Variants in CELF4 observed in about 807,000 individuals in gnomAD.
The protein encoded by CELF4 is CUGBP Elav-like family member 4.
In CELF4, 18 loss-of-function variants were observed where a neutral mutation model predicts 59.9. That is an observed-to-expected ratio of 0.30 (90% CI 0.21 to 0.45). CELF4 has a LOEUF of 0.45. CELF4 is among the 20% of genes least tolerant of loss of function. The probability of loss-of-function intolerance (pLI) is 1.00; values close to 1 mark genes in which losing one functional copy is unlikely to be tolerated. For missense variants in CELF4, 456 were observed against 689.0 expected (o/e 0.66, Z 3.79); for synonymous variants, 261 against 267.1 (o/e 0.98, Z 0.22).
intron 3 of CELF4, among the ~76,000 whole-genome samples, chr18:37,286,309 C>T (rs1055898968): frequency 1.3e-5 from 2 of 152,184 alleles, no homozygotes; most frequent in African/African-American, 4.8e-5. Flanking sequence ...GTTAGCTGGG[C>T]GCAGAGCTGC....
chr18:37,274,739 C>A, intron 5 of CELF4, 66 bp downstream of exon 5: 1 of 1,510,320 alleles, frequency 6.6e-7, no homozygotes, highest in East Asian at 2.5e-5. Flanking sequence ...GCCGGCGGGG[C>A]GTGGCGGGTG....
chr18:37,441,800 C>T (rs1485599539), intron 2 of CELF4, among the ~76,000 whole-genome samples: 9 of 152,090 alleles, frequency 5.9e-5, no homozygotes, highest in African/African-American at 1.9e-4. Context: ...TCTTGAAGGC[C>T]CAGTGCAGTC....
intron 3 of CELF4, among the ~76,000 whole-genome samples, chr18:37,306,937 T>C (rs985376377): frequency 1.3e-5 from 2 of 152,212 alleles, no homozygotes; most frequent in Non-Finnish European, 2.9e-5. Context: ...TCGCTTCATT[T>C]CTCAAATGCT....
chr18:37,399,173 AT>A (rs2154580723), intron 2 of CELF4, among the ~76,000 whole-genome samples: 1 of 152,302 alleles, frequency 6.6e-6, no homozygotes, highest in African/African-American at 2.4e-5. Flanking sequence ...TTCAAAACTC[AT>A]ACTGAAAATT....
At chr18:37,288,613 G>A (rs558652200) in intron 3 of CELF4, among the ~76,000 whole-genome samples, 3 of 152,234 alleles carry the variant, frequency 2.0e-5, no homozygotes, top group South Asian at 2.1e-4. Context: ...CATCTAACAC[G>A]CAGAAGGCAT....
chr18:37,287,787 T>C (rs2094944377), intron 3 of CELF4, among the ~76,000 whole-genome samples: 1 of 152,214 alleles, frequency 6.6e-6, no homozygotes, highest in East Asian at 1.9e-4. Flanking sequence ...GGATGGATGG[T>C]AGACATGATT....
chr18:37,438,259 A>AGT (rs2099699893), intron 2 of CELF4, among the ~76,000 whole-genome samples: 1 of 152,110 alleles, frequency 6.6e-6, no homozygotes, highest in South Asian at 2.1e-4. Flanking sequence ...GTCAGTGAAG[A>AGT]GTGGGTTGGT....
chr18:37,509,225 T>C (rs909528689), intron 1 of CELF4, among the ~76,000 whole-genome samples: 1 of 152,238 alleles, frequency 6.6e-6, no homozygotes, highest in Admixed American at 6.5e-5. Context: ...CACTTATCTA[T>C]AGTAGACTCT....
intron 7 of CELF4, 140 bp from the exon 8 acceptor site, chr18:37,271,057 T>G (rs1352103912): frequency 3.0e-6 from 2 of 673,986 alleles, no homozygotes; most frequent in East Asian, 5.6e-5. Flanking sequence ...AGTTCAATCT[T>G]ATCTATGACC....
At chr18:37,522,263 T>C (rs2099958335) in intron 1 of CELF4, among the ~76,000 whole-genome samples, 1 of 152,158 alleles carries the variant, frequency 6.6e-6, no homozygotes, top group Non-Finnish European at 1.5e-5. Flanking sequence ...CCCTATCTTA[T>C]CATACAGAAT....
At chr18:37,291,742 A>G (rs1191441659) in intron 3 of CELF4, among the ~76,000 whole-genome samples, 1 of 152,202 alleles carries the variant, frequency 6.6e-6, no homozygotes, top group Admixed American at 6.5e-5. Flanking sequence ...CATTGGGGAC[A>G]TCCCTCTTAA....
chr18:37,419,368 C>T (rs891425303), intron 2 of CELF4, among the ~76,000 whole-genome samples: 1 of 152,152 alleles, frequency 6.6e-6, no homozygotes, highest in East Asian at 1.9e-4. Flanking sequence ...ACTTGGAGAA[C>T]CACTGGCACT....
At chr18:37,513,690 G>C (rs2099947147) in intron 1 of CELF4, among the ~76,000 whole-genome samples, 1 of 152,086 alleles carries the variant, frequency 6.6e-6, no homozygotes, top group African/African-American at 2.4e-5. Flanking sequence ...ATTCCTACCA[G>C]ATTGTCCATG....
chr18:37,520,403 G>A (rs1003388907), intron 1 of CELF4, among the ~76,000 whole-genome samples: 2 of 152,214 alleles, frequency 1.3e-5, no homozygotes, highest in Non-Finnish European at 2.9e-5. Context: ...TAGAAATGAA[G>A]GCCCAGAGAG....
At chr18:37,307,283 A>G (rs2096461751) in intron 3 of CELF4, among the ~76,000 whole-genome samples, 1 of 152,150 alleles carries the variant, frequency 6.6e-6, no homozygotes, top group Non-Finnish European at 1.5e-5. Flanking sequence ...TCACAGCCCC[A>G]CAGTCGTGGG....
At chr18:37,526,222 A>T (rs1467281406) in intron 1 of CELF4, among the ~76,000 whole-genome samples, 1 of 152,156 alleles carries the variant, frequency 6.6e-6, no homozygotes, top group Non-Finnish European at 1.5e-5. Context: ...GTGTTAGAGG[A>T]TGCATTTTCT....
At chr18:37,344,857 C>T (rs1412697814) in intron 2 of CELF4, among the ~76,000 whole-genome samples, 1 of 152,192 alleles carries the variant, frequency 6.6e-6, no homozygotes, top group East Asian at 1.9e-4. Flanking sequence ...CTTGCAGCAT[C>T]CTGGATTTCA....
intron 2 of CELF4, among the ~76,000 whole-genome samples, chr18:37,427,091 G>C (rs1187959704): frequency 2.0e-5 from 3 of 151,662 alleles, no homozygotes; most frequent in East Asian, 1.9e-4. Flanking sequence ...CAGCAGCATA[G>C]AGCGCAGTCT....
intron 2 of CELF4, among the ~76,000 whole-genome samples, chr18:37,461,235 A>G (rs1307331378): frequency 6.6e-6 from 1 of 152,174 alleles, no homozygotes; most frequent in Non-Finnish European, 1.5e-5. Flanking sequence ...TTTGCTGTCA[A>G]GAGTGCCGTG....
Sources: allele counts gnomAD v4.1 joint callset (sites outside exome capture counted in the v4.1 genomes callset), GRCh38; gene constraint gnomAD v4.1.1; transcripts MANE v1.5; gene names NCBI Gene and HGNC (gene_info 2026-07-23, HGNC 2026-07-21).